The following DNAJC13 variants were observed in gnomAD, a reference collection of about 807,000 sequenced individuals.
DNAJC13 encodes the protein DnaJ heat shock protein family (Hsp40) member C13.
A neutral mutation model predicts 290.5 loss-of-function variants in DNAJC13; 75 were observed. The ratio of observed to expected loss-of-function variants is 0.26; its 90% CI spans 0.21 to 0.31. The LOEUF (loss-of-function observed/expected upper bound fraction) is 0.31, where lower values mean the gene tolerates loss of function less well. DNAJC13 is among the 10% of genes least tolerant of loss of function. DNAJC13 has a pLI of 1.00. For synonymous variants in DNAJC13, 862 were observed against 892.0 expected (o/e 0.97, Z 0.60); for missense variants, 2,260 against 2,674.5 (o/e 0.85, Z 3.42).
At chr3:132,521,302 A>G (rs1290922671) in intron 48 of DNAJC13, among the ~76,000 whole-genome samples, 2 of 152,098 alleles carry the variant, frequency 1.3e-5, no homozygotes, top group Non-Finnish European at 2.9e-5. Flanking sequence ...AATCTTAGCT[A>G]CTCAGGAGGT....
At chr3:132,496,794 T>A in intron 36 of DNAJC13, 131 bp downstream of exon 36, 2 of 919,284 alleles carry the variant, frequency 2.2e-6, no homozygotes, top group Non-Finnish European at 2.9e-6. Context: ...TTCTTGGAAT[T>A]ATGTTTTAAA....
At chr3:132,526,344 C>G (rs1936256826) in intron 53 of DNAJC13, 63 bp downstream of exon 53, 1 of 1,590,216 alleles carries the variant, frequency 6.3e-7, no homozygotes, top group Non-Finnish European at 8.6e-7. Flanking sequence ...AGATTTTTAC[C>G]TATTTGGTAC....
At chr3:132,421,194 T>C (rs1428176958) in intron 1 of DNAJC13, among the ~76,000 whole-genome samples, 1 of 152,204 alleles carries the variant, frequency 6.6e-6, no homozygotes, top group Non-Finnish European at 1.5e-5. Flanking sequence ...TGTGTGTATT[T>C]TGTGAATTCC....
chr3:132,484,693 A>G, intron 29 of DNAJC13, 21 bp downstream of exon 29: 1 of 1,577,280 alleles, frequency 6.3e-7, no homozygotes, highest in Non-Finnish European at 8.7e-7. Flanking sequence ...TAATCAAACT[A>G]GGAGCAATTT....
intron 17 of DNAJC13, among the ~76,000 whole-genome samples, chr3:132,465,104 T>A (rs1444221372): frequency 1.3e-5 from 2 of 152,188 alleles, no homozygotes; most frequent in East Asian, 3.8e-4. Context: ...TACTTCAATA[T>A]GTTAGCTTTC....
chr3:132,430,388 C>T (rs1364824557), intron 1 of DNAJC13, among the ~76,000 whole-genome samples: 1 of 151,782 alleles, frequency 6.6e-6, no homozygotes, highest in East Asian at 1.9e-4. Context: ...CTTATTCCCC[C>T]CTATGGGTTT....
intron 9 of DNAJC13, among the ~76,000 whole-genome samples, chr3:132,454,755 GT>G (rs909971649): frequency 1.3e-5 from 2 of 151,416 alleles, no homozygotes; most frequent in African/African-American, 4.9e-5. Flanking sequence ...CAATGGTTAT[GT>G]TTTTTTCCTG....
At chr3:132,457,436 C>T (rs1026476620) in intron 13 of DNAJC13, 68 bp downstream of exon 13, 18 of 1,221,078 alleles carry the variant, frequency 1.5e-5, no homozygotes, top group Non-Finnish European at 2.1e-5. Context: ...TTTCCACAGT[C>T]CCAGATTTTC....
intron 48 of DNAJC13, among the ~76,000 whole-genome samples, chr3:132,519,114 C>CA (rs1375528768): frequency 1.3e-5 from 2 of 152,168 alleles, no homozygotes; most frequent in Non-Finnish European, 2.9e-5. Context: ...CTACTGTGAA[C>CA]ATTTGTGTAC....
chr3:132,493,291 T>C (rs1400052891), intron 33 of DNAJC13, among the ~76,000 whole-genome samples: 1 of 152,096 alleles, frequency 6.6e-6, no homozygotes, highest in African/African-American at 2.4e-5. Context: ...GTTACTGTGG[T>C]GGAACTTATA....
At chr3:132,506,669 A>G (rs541485517) in intron 42 of DNAJC13, among the ~76,000 whole-genome samples, 1 of 146,338 alleles carries the variant, frequency 6.8e-6, no homozygotes, top group South Asian at 2.2e-4. Flanking sequence ...CTCCTGCCTC[A>G]GCCTCCCAAG....
intron 42 of DNAJC13, among the ~76,000 whole-genome samples, chr3:132,506,570 T>TTG (rs1935599687): frequency 7.8e-6 from 1 of 128,792 alleles, no homozygotes; most frequent in Non-Finnish European, 1.6e-5. Flanking sequence ...TTTTTTTTTT[T>TTG]GAGATTGAGT....
intron 20 of DNAJC13, 129 bp from the exon 21 acceptor site, chr3:132,473,016 C>G: frequency 3.1e-6 from 2 of 638,994 alleles, no homozygotes; most frequent in Non-Finnish European, 5.5e-6. Flanking sequence ...TTTATTTATT[C>G]CGTTAATTTT....
At chr3:132,503,492 ATGTT>A (rs1392045773) in intron 41 of DNAJC13, 111 bp downstream of exon 41, 2 of 1,262,434 alleles carry the variant, frequency 1.6e-6, no homozygotes, top group Admixed American at 2.3e-5. Context: ...GAACGTTCAC[ATGTT>A]TGTTCTCTCA....
chr3:132,513,740 G>A (rs1354345232), intron 45 of DNAJC13, among the ~76,000 whole-genome samples: 2 of 152,122 alleles, frequency 1.3e-5, no homozygotes, highest in African/African-American at 4.8e-5. Flanking sequence ...TTTAGATGTA[G>A]CCTTTTCTTC....
intron 43 of DNAJC13, 83 bp from the exon 44 acceptor site, chr3:132,510,984 T>C (rs1250328440): frequency 5.5e-6 from 8 of 1,451,048 alleles, no homozygotes; most frequent in Non-Finnish European, 7.6e-6. Context: ...TTATTCACTT[T>C]CATAGCTTAA....
chr3:132,537,238 G>T (rs1936621538), intron 55 of DNAJC13: 1 of 456,162 alleles, frequency 2.2e-6, no homozygotes, highest in Admixed American at 2.3e-5. Flanking sequence ...CAGGCAGCTT[G>T]CTAACTTCTG....
At chr3:132,457,564 TAAGAC>T in intron 13 of DNAJC13, 196 bp downstream of exon 13, 1 of 523,310 alleles carries the variant, frequency 1.9e-6, no homozygotes, top group African/African-American at 1.9e-5. Flanking sequence ...TCAAAGATCT[TAAGAC>T]AGAAGTTCTT....
At position 132,513,083 on chromosome 3, in the gene DNAJC13, A is replaced by C; in HGVS notation, c.5369A>C (p.Gln1790Pro). The C allele has an allele frequency of 6.2e-7, 1 of 1,613,346 alleles. No individual in the cohort carries two copies. The highest frequency in any genetic ancestry group is 1.3e-5 in the African/African-American group (1 of 75,010). ...LLRVHGAGQV[Q>P]QLALEVVNIV... ...CGAGTTCATGGAGCTGGTCAAGTGC[A>C]GCAGTTGGCTTTAGAGGTAAAAGCG... is the stretch of plus-strand genomic sequence containing the variant. The change falls in exon 45 of 56, where the codon CAG becomes CCG. Residue 1790 changes from glutamine (Q) to proline (P), a missense_variant. Physicochemically the swap from Gln to Pro is moderately conservative, Grantham distance 76. Around this residue, in one of 3 missense-constraint regions of DNAJC13, gnomAD observed 1,494 missense variants for 1,693.7 expected, o/e 0.88. Transcript: ENST00000260818.
Sources: gnomAD v4.1 joint callset for allele counts (sites outside exome capture counted in the v4.1 genomes callset) on GRCh38, gnomAD v4.1.1 for gene constraint, gnomAD v4.1.1 regional missense constraint, MANE v1.5 for transcripts, NCBI Gene and HGNC (gene_info 2026-07-23, HGNC 2026-07-21) for gene names.